The following TMEM266 variants were observed in gnomAD, a reference collection of about 807,000 sequenced individuals.
TMEM266 encodes the protein transmembrane protein 266.
TMEM266 carries 33 observed loss-of-function variants against 50.5 expected under a neutral mutation model. The ratio of observed to expected loss-of-function variants is 0.65; its 90% CI spans 0.50 to 0.87. The LOEUF is 0.87. Among genes scored for constraint, TMEM266 ranks in the 40% least tolerant of loss-of-function variants. The pLI is 0.00. For missense variants in TMEM266, 655 were observed against 695.1 expected (o/e 0.94, Z 0.65); for synonymous variants, 310 against 292.3 (o/e 1.06, Z -0.62).
At chr15:76,177,678 AAG>A (rs1311453247) in intron 8 of TMEM266, among the ~76,000 whole-genome samples, 2 of 152,232 alleles carry the variant, frequency 1.3e-5, no homozygotes, top group Admixed American at 1.3e-4. Flanking sequence ...CTAGACTAGG[AAG>A]AGAAGCATTC....
At chr15:76,169,731 G>A (rs902286788) in intron 5 of TMEM266, 85 bp from the exon 6 acceptor site, 5 of 1,433,768 alleles carry the variant, frequency 3.5e-6, no homozygotes, top group South Asian at 2.3e-5. Context: ...GAATGCAGAA[G>A]CAGAGCTCTG....
chr15:76,180,336 C>T (rs978109566), intron 8 of TMEM266, among the ~76,000 whole-genome samples: 1 of 152,124 alleles, frequency 6.6e-6, no homozygotes, highest in Non-Finnish European at 1.5e-5. Flanking sequence ...TTCTGATGAC[C>T]TGAAGGGTTT....
At chr15:76,195,072 T>A (rs1343061073) in intron 9 of TMEM266, among the ~76,000 whole-genome samples, 1 of 152,192 alleles carries the variant, frequency 6.6e-6, no homozygotes, top group Non-Finnish European at 1.5e-5. Flanking sequence ...TTTCTGAGTC[T>A]CTGCATGCTG....
chr15:76,147,638 A>G (rs2037776123), intron 3 of TMEM266, among the ~76,000 whole-genome samples: 2 of 152,248 alleles, frequency 1.3e-5, no homozygotes, highest in Non-Finnish European at 2.9e-5. Context: ...ACAACGGAAT[A>G]AAAGTTTAAT....
rs1363905343 is a variant in TMEM266, at chr15:76,204,608, G to C, written c.*293G>C. 6 of 256,200 alleles carry C rather than the reference G, an allele frequency of 2.3e-5. No individual in the cohort carries two copies. Among genetic ancestry groups the C allele is most frequent in the Non-Finnish European group, 3.7e-5 (5 of 133,614 alleles). 15.9% of individuals were successfully genotyped at this position (256,200 alleles called of 1,614,324 possible). ...CCTGTGGCCCAGCTTCAGCAGGGTA[G>C]AGTGTGGGGGGGCCAGCTCAGCCTC... On this transcript the variant is annotated 3_prime_UTR_variant, in exon 11 of 11. Coordinates refer to ENST00000388942, the MANE Select transcript of TMEM266 (RefSeq NM_152335.3).
chr15:76,137,271 G>T (rs185889981), intron 2 of TMEM266, among the ~76,000 whole-genome samples: 1 of 152,182 alleles, frequency 6.6e-6, no homozygotes, highest in Non-Finnish European at 1.5e-5. Context: ...TTGTGGAATA[G>T]AGAATAGAAA....
At chr15:76,143,064 C>T (rs889283387) in intron 3 of TMEM266, among the ~76,000 whole-genome samples, 1 of 152,196 alleles carries the variant, frequency 6.6e-6, no homozygotes, top group Non-Finnish European at 1.5e-5. Context: ...TAGGCACAGT[C>T]GTGGATGGGC....
intron 8 of TMEM266, among the ~76,000 whole-genome samples, chr15:76,191,162 C>T (rs998002915): frequency 6.6e-6 from 1 of 152,240 alleles, no homozygotes; most frequent in Admixed American, 6.5e-5. Context: ...TGCTGCCTGG[C>T]CACCCTATTG....
At chr15:76,092,556 G>T (rs1364659734) in intron 1 of TMEM266, among the ~76,000 whole-genome samples, 2 of 151,870 alleles carry the variant, frequency 1.3e-5, no homozygotes, top group African/African-American at 4.8e-5. Flanking sequence ...CGGGCTTGGT[G>T]GTAGGTGCCT....
intron 1 of TMEM266, among the ~76,000 whole-genome samples, chr15:76,105,685 G>C (rs1249594453): frequency 6.6e-6 from 1 of 152,204 alleles, no homozygotes; most frequent in Non-Finnish European, 1.5e-5. Flanking sequence ...TTTGCCAAGC[G>C]CTGCTCAAAG....
rs1567188958 is a variant in TMEM266, at chr15:76,204,127, G to A, written c.1408G>A (p.Gly470Ser). ...CCCCCTCGCCCGGCCCAGCCCAGCG[G>A]GCTCGGCCCAAACCAGCCCCGAGCT... The change falls in exon 11 of 11, where the codon GGC becomes AGC. Residue 470 changes from glycine (G) to serine (S), a missense_variant. By Grantham distance (56) the Gly-to-Ser change is moderately conservative. This residue lies in a region of TMEM266 where 455 missense variants were observed against 401.8 expected (regional missense o/e 1.13). Transcript: ENST00000388942. 1.7e-5 allele frequency: 28 copies of A among 1,613,136 alleles called. No individual in the cohort carries two copies. The highest frequency in any genetic ancestry group is 2.2e-5 in the Non-Finnish European group (26 of 1,179,730).
At chr15:76,087,387 ATTTGGGGTTATACCC>A (rs869303765) in intron 1 of TMEM266, among the ~76,000 whole-genome samples, 7 of 152,282 alleles carry the variant, frequency 4.6e-5, no homozygotes, top group African/African-American at 1.7e-4. Context: ...AGTTAAGAAA[ATTTGGGGTTATACCC>A]TTTGGTAGTA....
chr15:76,129,051 A>G (rs546491496), intron 1 of TMEM266, among the ~76,000 whole-genome samples: 4 of 146,002 alleles, frequency 2.7e-5, no homozygotes, highest in African/African-American at 7.8e-5. Context: ...ACCATACCTT[A>G]GGCTAATCCA....
chr15:76,142,227 A>G (rs369545641), intron 3 of TMEM266, among the ~76,000 whole-genome samples: 1 of 152,302 alleles, frequency 6.6e-6, no homozygotes, highest in African/African-American at 2.4e-5. Flanking sequence ...CGTCACTACT[A>G]AAAATACAAA....
chr15:76,198,924 A>G (rs1335176563), intron 9 of TMEM266, among the ~76,000 whole-genome samples: 1 of 152,274 alleles, frequency 6.6e-6, no homozygotes, highest in African/African-American at 2.4e-5. Context: ...CCAGGTCTGG[A>G]GCAGAGGGAG....
chr15:76,105,583 GACAGT>G lies in TMEM266; in HGVS notation c.-96-28583_-96-28579del, dbSNP rs1165513605. Among the ~76,000 whole-genome samples the G allele has an allele frequency of 2.6e-5, 4 of 152,240 alleles. No homozygotes were observed. The East Asian group carries it at 7.7e-4, about 29-fold the overall frequency. ...TTCCATTGTAGTACAAAAGCAGTCT[GACAGT>G]ATATAAATGATTGAGCATGGCTGTG... On this transcript the variant is annotated intron_variant, in intron 1 of 10. Transcript: ENST00000388942.
At chr15:76,080,464 T>TGG (rs2036674026) in intron 1 of TMEM266, among the ~76,000 whole-genome samples, 1 of 150,668 alleles carries the variant, frequency 6.6e-6, no homozygotes, top group East Asian at 2.0e-4. Context: ...GTTGGTCAGG[T>TGG]GGTCTCGAAC....
rs1002463120 is a variant in TMEM266, at chr15:76,077,800, C to T, written c.-97+17784C>T. On this transcript the variant is annotated intron_variant, in intron 1 of 10. Transcript: ENST00000388942. ...CCCTCACGACACCTTGATTTTGGAC[C>T]TCTGGCCTCCAAAACTGTGAGAGAA... Among the ~76,000 whole-genome samples the T allele has an allele frequency of 3.3e-5, 5 of 152,102 alleles. 1 individual carries two copies. Among genetic ancestry groups the T allele is most frequent in the East Asian group, 1.9e-4 (1 of 5,190 alleles).
At chr15:76,065,237 T>G (rs556461242) in intron 1 of TMEM266, among the ~76,000 whole-genome samples, 1 of 152,310 alleles carries the variant, frequency 6.6e-6, no homozygotes, top group Admixed American at 6.5e-5. Context: ...CATTTCTCCC[T>G]GTCTTTTAAC....
Sources: gnomAD v4.1 joint callset for allele counts (sites outside exome capture counted in the v4.1 genomes callset) on GRCh38, gnomAD v4.1.1 for gene constraint, gnomAD v4.1.1 regional missense constraint, MANE v1.5 for transcripts, NCBI Gene and HGNC (gene_info 2026-07-23, HGNC 2026-07-21) for gene names.